The following CPA6 variants were observed in gnomAD, a reference collection of about 807,000 sequenced individuals.
CPA6 encodes the protein carboxypeptidase B.
In CPA6, 58 loss-of-function variants were observed where a neutral mutation model predicts 63.3. That is an observed-to-expected ratio of 0.92 (90% CI 0.74 to 1.14). The LOEUF is 1.14. CPA6 is among the 50% of genes most tolerant of loss of function. CPA6 has a pLI of 0.00. For missense variants in CPA6, 565 were observed against 526.6 expected (o/e 1.07, Z -0.71); for synonymous variants, 185 against 179.0 (o/e 1.03, Z -0.27).
chr8:67,691,675 A>C (rs568287980), intron 1 of CPA6, among the ~76,000 whole-genome samples: 1 of 152,356 alleles, frequency 6.6e-6, no homozygotes, highest in South Asian at 2.1e-4. Flanking sequence ...CAAGATGTAA[A>C]TATCTCTGTA....
Position 67,594,856 on chromosome 8 carries a change from G to A in CPA6, c.192+29320C>T, listed in dbSNP as rs531730632. On this transcript the variant is annotated intron_variant, in intron 2 of 10. Transcript: ENST00000297770. ...TCCTGTAGCTCAGAGTAGTTTGATC[G>A]TCTGAAGCCTTCTTCTCTCAACTCG... Among the ~76,000 whole-genome samples the A allele has an allele frequency of 2.8e-3, 431 of 152,084 alleles. 2 individuals are homozygous for A. The highest frequency in any genetic ancestry group is 9.4e-3 in the African/African-American group (391 of 41,530).
chr8:67,422,736 T>C, intron 10 of CPA6, 45 bp from the exon 11 acceptor site: 1 of 1,477,310 alleles, frequency 6.8e-7, no homozygotes. Flanking sequence ...CACTAAAGAG[T>C]CAGTATAATT....
rs141229869 is a variant in CPA6, at chr8:67,746,003, G to A, written c.116+11C>T. The stretch of plus-strand genomic sequence containing the variant: ...CAAAGCTGTGTAGGGCATGAATGTC[G>A]CTCCACTTACCCAGCATAGCGGTTG... On this transcript the variant is annotated intron_variant, in intron 1 of 10. Coordinates refer to ENST00000297770, the MANE Select transcript of CPA6 (RefSeq NM_020361.5). 99 of 1,599,266 alleles carry A rather than the reference G, an allele frequency of 6.2e-5. No homozygotes were observed. The African/African-American group carries it at 7.4e-4, about 12-fold the overall frequency.
chr8:67,572,303 T>A (rs971348328), intron 2 of CPA6, among the ~76,000 whole-genome samples: 10 of 152,124 alleles, frequency 6.6e-5, no homozygotes, highest in Non-Finnish European at 1.2e-4. Context: ...GGTGCTGGGG[T>A]TATGGAGGCA....
chr8:67,714,714 GCT>G (rs2129000837), intron 1 of CPA6, among the ~76,000 whole-genome samples: 1 of 152,236 alleles, frequency 6.6e-6, no homozygotes, highest in South Asian at 2.1e-4. Flanking sequence ...GCCTTCCTTA[GCT>G]CTCTCAGTTG....
intron 1 of CPA6, among the ~76,000 whole-genome samples, chr8:67,701,219 T>G (rs1403345062): frequency 2.0e-5 from 3 of 152,168 alleles, no homozygotes; most frequent in Non-Finnish European, 4.4e-5. Context: ...GATACAATCC[T>G]TGCTGCCTGG....
At chr8:67,689,842 A>C (rs1159536838) in intron 1 of CPA6, among the ~76,000 whole-genome samples, 1 of 152,198 alleles carries the variant, frequency 6.6e-6, no homozygotes, top group Non-Finnish European at 1.5e-5. Flanking sequence ...TTCTTCAAGA[A>C]ATCTCCAAAC....
rs529772460 is a variant in CPA6, at chr8:67,424,657, T to C, written c.1127-1966A>G. 3.9e-5 allele frequency among the ~76,000 whole-genome samples: 6 copies of C among 152,348 alleles called. No homozygotes were observed. The East Asian group carries it at 5.8e-4, about 15-fold the overall frequency. On this transcript the variant is annotated intron_variant, in intron 10 of 10. Transcript: ENST00000297770. ...TTGGTTACCCTCTTCTTTTTCCTCT[T>C]TCTTTTGCTTTAGAACCCGAGGGAG... is the stretch of plus-strand genomic sequence containing the variant.
Position 67,506,876 on chromosome 8 carries a change from A to G in CPA6, c.547T>C (p.Ser183Pro). ...ATCCAAACAGCTCTTTTGAGTCGTG[A>G]TCGTCTGCCCAGCTGAAAACAAGAG... ...SLFILKLGRRSRLKRAVWIDC... is the reference protein window; with the variant it reads ...SLFILKLGRRPRLKRAVWIDC... Residue 183 changes from serine to proline, a missense_variant, in exon 6 of 11, where the codon TCA becomes CCA. Coordinates refer to ENST00000297770, the MANE Select transcript of CPA6 (RefSeq NM_020361.5). The G allele has an allele frequency of 8.1e-6, 13 of 1,613,196 alleles. No homozygotes were observed. The highest frequency in any genetic ancestry group is 1.1e-5 in the Non-Finnish European group (13 of 1,179,256).
At chr8:67,488,665 T>C (rs1202034371) in intron 6 of CPA6, among the ~76,000 whole-genome samples, 4 of 152,230 alleles carry the variant, frequency 2.6e-5, no homozygotes, top group Non-Finnish European at 5.9e-5. Flanking sequence ...TTTCATGATA[T>C]TGATTCTTCC....
At chr8:67,649,232 A>G (rs534042809) in intron 1 of CPA6, among the ~76,000 whole-genome samples, 17 of 152,316 alleles carry the variant, frequency 1.1e-4, no homozygotes, top group African/African-American at 3.6e-4. Flanking sequence ...TTCAAATGAT[A>G]TTGGAAACAT....
intron 8 of CPA6, among the ~76,000 whole-genome samples, chr8:67,475,952 TTCTTTC>T (rs1811225529): frequency 6.9e-6 from 1 of 145,730 alleles, no homozygotes; most frequent in Admixed American, 7.0e-5. Flanking sequence ...TTCTCTGTCT[TTCTTTC>T]TCTTTCTCTC....
chr8:67,513,270 A>G lies in CPA6; in HGVS notation c.318-1615T>C, dbSNP rs369240825. ...TGTATGGGCTAAAGAATTTTACAAT[A>G]TTGCTAAAGTAAGTCTTGAGCCAAA... On this transcript the variant is annotated intron_variant, in intron 3 of 10. Transcript: ENST00000297770. Among the ~76,000 whole-genome samples the G allele has an allele frequency of 9.2e-5, 14 of 152,162 alleles. No individual in the cohort carries two copies. In the East Asian group the frequency reaches 2.5e-3, roughly 27 times the overall value.
chr8:67,709,075 G>A (rs979833851), intron 1 of CPA6, among the ~76,000 whole-genome samples: 10 of 152,158 alleles, frequency 6.6e-5, no homozygotes, highest in African/African-American at 2.4e-4. Flanking sequence ...CAAAATGGTA[G>A]CATTTAACTG....
chr8:67,497,820 T>C (rs111585340), intron 6 of CPA6, among the ~76,000 whole-genome samples: 9,834 of 151,994 alleles, frequency 0.065, 738 homozygotes, highest in African/African-American at 0.18. Context: ...GCCTCCCGAA[T>C]AGCTGGGATT....
At chr8:67,520,208 A>G (rs1488539603) in intron 2 of CPA6, among the ~76,000 whole-genome samples, 1 of 152,102 alleles carries the variant, frequency 6.6e-6, no homozygotes, top group Non-Finnish European at 1.5e-5. Context: ...AATAATATGA[A>G]TTACCACTCT....
chr8:67,744,724 G>A (rs549785684), intron 1 of CPA6, among the ~76,000 whole-genome samples: 5 of 152,240 alleles, frequency 3.3e-5, no homozygotes, highest in African/African-American at 1.2e-4. Flanking sequence ...GATCTCTAAA[G>A]GGGTCACAAA....
intron 1 of CPA6, among the ~76,000 whole-genome samples, chr8:67,715,377 T>C (rs2129000910): frequency 6.6e-6 from 1 of 152,354 alleles, no homozygotes; most frequent in South Asian, 2.1e-4. Context: ...GTCACTTTAC[T>C]GCTGCCTTCA....
intron 1 of CPA6, among the ~76,000 whole-genome samples, chr8:67,706,622 T>C (rs867593117): frequency 1.2e-4 from 19 of 152,280 alleles, no homozygotes; most frequent in Middle Eastern, 3.4e-3. Flanking sequence ...TGTGTGAATA[T>C]ATTAGCTAAA....
Sources: allele counts gnomAD v4.1 joint callset (sites outside exome capture counted in the v4.1 genomes callset), GRCh38; gene constraint gnomAD v4.1.1; transcripts MANE v1.5; gene names NCBI Gene and HGNC (gene_info 2026-07-23, HGNC 2026-07-21).